GRAMD1C: variants seen among roughly 807,000 people sequenced by gnomAD.
GRAMD1C encodes GRAM domain containing 1C.
GRAMD1C carries 89 observed loss-of-function variants against 97.8 expected under a neutral mutation model. That is an observed-to-expected ratio of 0.91 (90% CI 0.77 to 1.09). The LOEUF is 1.09. GRAMD1C is among the 50% of genes least tolerant of loss of function. GRAMD1C has a pLI of 0.00. For missense variants in GRAMD1C, 740 were observed against 766.4 expected (o/e 0.97, Z 0.41); for synonymous variants, 256 against 267.0 (o/e 0.96, Z 0.40).
chr3:113,899,417 T>A (rs1478222501), intron 6 of GRAMD1C, among the ~76,000 whole-genome samples: 1 of 151,958 alleles, frequency 6.6e-6, no homozygotes, highest in African/African-American at 2.4e-5. Context: ...TCATATTATA[T>A]CTTGTCATAT....
Position 113,838,835 on chromosome 3 carries a change from G to A in GRAMD1C, c.-75G>A, listed in dbSNP as rs1461413988. 1.8e-6 allele frequency: 2 copies of A among 1,102,994 alleles called. No homozygotes were observed. Among genetic ancestry groups the A allele is most frequent in the Non-Finnish European group, 2.3e-6 (2 of 872,588 alleles). The allele number at this position is 1,102,994 out of a possible 1,614,324, so 68.3% of individuals were successfully genotyped here. A position where few individuals can be genotyped will look rare whatever the true frequency, so the allele number is the denominator to read the frequency against. On this transcript the variant is annotated 5_prime_UTR_variant, in exon 1 of 18. Transcript: ENST00000358160. ...GCGCGCGGAGCCTGTAACTCGCAGCGCGCGCTGGAGGTGGGCGCGGGGCGG... is the reference window on the plus strand; with the variant it reads ...GCGCGCGGAGCCTGTAACTCGCAGCACGCGCTGGAGGTGGGCGCGGGGCGG...
At chr3:113,933,676 GT>G in intron 12 of GRAMD1C, 23 bp downstream of exon 12, 1 of 1,549,404 alleles carries the variant, frequency 6.5e-7, no homozygotes, top group Non-Finnish European at 8.9e-7. Flanking sequence ...ACATGAATGT[GT>G]TAGGATAGGC....
intron 2 of GRAMD1C, among the ~76,000 whole-genome samples, chr3:113,865,514 A>T (rs1352084060): frequency 1.3e-5 from 2 of 152,210 alleles, no homozygotes; most frequent in Admixed American, 1.3e-4. Flanking sequence ...ACATATATAA[A>T]TATGCACAAA....
intron 2 of GRAMD1C, among the ~76,000 whole-genome samples, chr3:113,851,377 A>AT (rs982500772): frequency 5.3e-5 from 8 of 152,126 alleles, no homozygotes; most frequent in Admixed American, 6.6e-5. Flanking sequence ...ATTTTTTAAA[A>AT]TTTTTTTGTT....
chr3:113,906,874 A>G (rs1936391342), intron 8 of GRAMD1C, among the ~76,000 whole-genome samples: 1 of 152,162 alleles, frequency 6.6e-6, no homozygotes, highest in Non-Finnish European at 1.5e-5. Context: ...CTATGTTTAC[A>G]TACGTTTAGA....
At chr3:113,878,750 A>T (rs1935146762) in intron 5 of GRAMD1C, among the ~76,000 whole-genome samples, 1 of 152,086 alleles carries the variant, frequency 6.6e-6, no homozygotes, top group Admixed American at 6.6e-5. Flanking sequence ...CCAGGCTCCC[A>T]TTATCCTTAA....
intron 14 of GRAMD1C, chr3:113,936,742 G>A (rs1177100244): frequency 1.1e-5 from 2 of 183,972 alleles, no homozygotes; most frequent in African/African-American, 4.8e-5. Context: ...TCGTTCTGTT[G>A]CCCATGCTGT....
chr3:113,906,259 T>A (rs958546062), intron 8 of GRAMD1C, among the ~76,000 whole-genome samples: 4 of 152,166 alleles, frequency 2.6e-5, no homozygotes, highest in Non-Finnish European at 4.4e-5. Flanking sequence ...CTCAGCCAGG[T>A]CCTTCAGGCG....
chr3:113,905,341 T>G (rs1936332148), intron 8 of GRAMD1C, among the ~76,000 whole-genome samples: 1 of 152,218 alleles, frequency 6.6e-6, no homozygotes, highest in South Asian at 2.1e-4. Flanking sequence ...ACCGTTTTCT[T>G]AATGAACCAT....
chr3:113,938,025 A>AT lies in GRAMD1C; in HGVS notation c.1634-58dup, dbSNP rs11309736. 1,132 of 835,178 alleles carry AT rather than the reference A, an allele frequency of 1.4e-3. 11 individuals carry two copies. In the African/African-American group the frequency reaches 0.018, roughly 14 times the overall value. 51.7% of individuals were successfully genotyped at this position (835,178 alleles called of 1,614,324 possible). A position where few individuals can be genotyped will look rare whatever the true frequency, so the allele number is the denominator to read the frequency against. On this transcript the variant is annotated intron_variant, in intron 14 of 17. Transcript: ENST00000358160. ...CTTCTCAAAAAAAAAAAAAAAAAAA[A>AT]TTTGGATCAGTTGTAATCACAATTC...
chr3:113,836,273 A>G (rs1446414813), upstream of GRAMD1C, among the ~76,000 whole-genome samples: 1 of 152,198 alleles, frequency 6.6e-6, no homozygotes, highest in East Asian at 1.9e-4. Context: ...CAAAAAAACA[A>G]AAACAAAACA....
chr3:113,941,928 T>C (rs971891888), intron 17 of GRAMD1C, among the ~76,000 whole-genome samples: 1 of 151,578 alleles, frequency 6.6e-6, no homozygotes, highest in African/African-American at 2.4e-5. Context: ...CATCTTTTTT[T>C]TTTTTGAGAC....
At chr3:113,890,526 C>G (rs1274882204) in intron 6 of GRAMD1C, 4 of 509,808 alleles carry the variant, frequency 7.8e-6, no homozygotes, top group Non-Finnish European at 1.4e-5. Flanking sequence ...AGGCCGGTCA[C>G]TTTCAGATTC....
At chr3:113,891,654 G>A (rs1358000029) in intron 6 of GRAMD1C, among the ~76,000 whole-genome samples, 1 of 152,006 alleles carries the variant, frequency 6.6e-6, no homozygotes, top group Admixed American at 6.5e-5. Context: ...GCTGAGGTGG[G>A]AGGATTGCTT....
Position 113,933,782 on chromosome 3 carries a change from G to T in GRAMD1C, c.1352+129G>T, listed in dbSNP as rs915001230. On this transcript the variant is annotated intron_variant, in intron 12 of 17. Coordinates refer to ENST00000358160, the MANE Select transcript of GRAMD1C (RefSeq NM_017577.5). Reference sequence around the variant, plus strand: ...TGCTTAAATTACATTTCCAACAGGGGTGAGCAGAGGAGTGGGGCTTCTCAC... The same window carrying T: ...TGCTTAAATTACATTTCCAACAGGGTTGAGCAGAGGAGTGGGGCTTCTCAC... 75 of 657,574 alleles carry T rather than the reference G, an allele frequency of 1.1e-4. 1 individual carries two copies. The highest frequency in any genetic ancestry group is 1.1e-3 in the South Asian group (47 of 42,950). 40.7% of individuals were successfully genotyped at this position (657,574 alleles called of 1,614,324 possible).
chr3:113,929,165 G>A (rs1262784345), intron 10 of GRAMD1C, among the ~76,000 whole-genome samples: 2 of 152,140 alleles, frequency 1.3e-5, no homozygotes, highest in Admixed American at 6.5e-5. Flanking sequence ...TAATGGGCAC[G>A]AACGTTCACC....
At chr3:113,888,387 A>T (rs1935591769) in intron 6 of GRAMD1C, among the ~76,000 whole-genome samples, 1 of 152,218 alleles carries the variant, frequency 6.6e-6, no homozygotes, top group African/African-American at 2.4e-5. Context: ...CATTTATGCA[A>T]GATGAATGAG....
intron 10 of GRAMD1C, among the ~76,000 whole-genome samples, chr3:113,925,283 A>G (rs761731553): frequency 6.6e-6 from 1 of 152,146 alleles, no homozygotes; most frequent in Non-Finnish European, 1.5e-5. Context: ...AGGTCAGGAG[A>G]TCGAGACCAT....
At chr3:113,879,094 A>C (rs557057234) in intron 5 of GRAMD1C, among the ~76,000 whole-genome samples, 12 of 152,144 alleles carry the variant, frequency 7.9e-5, no homozygotes, top group African/African-American at 1.4e-4. Flanking sequence ...AATCCCAGCT[A>C]TTCAGGAGGC....
Sources: gnomAD v4.1 joint callset for allele counts (sites outside exome capture counted in the v4.1 genomes callset) on GRCh38, gnomAD v4.1.1 for gene constraint, MANE v1.5 for transcripts, NCBI Gene and HGNC (gene_info 2026-07-23, HGNC 2026-07-21) for gene names.